The following AP3S2 variants were observed in gnomAD, a reference collection of about 807,000 sequenced individuals.
AP3S2 encodes the protein AP-3 complex subunit sigma-2.
In AP3S2, 22 loss-of-function variants were observed where a neutral mutation model predicts 23.4. The ratio of observed to expected loss-of-function variants is 0.94; its 90% confidence interval spans 0.67 to 1.34. The LOEUF is 1.34. Ranked by LOEUF, AP3S2 falls within the 40% of genes most tolerant of loss-of-function variation. The probability of loss-of-function intolerance (pLI) is 0.00; values close to 1 mark genes in which losing one functional copy is unlikely to be tolerated. For missense variants in AP3S2, 241 were observed against 236.9 expected, an observed-to-expected ratio of 1.02 and a Z score of -0.11; for synonymous variants, 86 against 87.1, an observed-to-expected ratio of 0.99 and a Z score of 0.07.
intron 4 of AP3S2, among the ~76,000 whole-genome samples, chr15:89,858,811 T>G (rs180735905): frequency 6.6e-6 from 1 of 152,294 alleles, no homozygotes; most frequent in African/African-American, 2.4e-5. Flanking sequence ...CAAATGAATA[T>G]CTCTAAAGGT....
chr15:89,858,128 CTTAG>C (rs1240830812), intron 4 of AP3S2, among the ~76,000 whole-genome samples: 1 of 152,026 alleles, frequency 6.6e-6, no homozygotes, highest in East Asian at 1.9e-4. Context: ...GAAAAGGGTT[CTTAG>C]TTAGGAATCA....
chr15:89,844,876 A>C (rs1895447908), intron 4 of AP3S2, among the ~76,000 whole-genome samples: 1 of 151,944 alleles, frequency 6.6e-6, no homozygotes, highest in South Asian at 2.1e-4. Context: ...TGTCCTTCCA[A>C]AGCATTCCTC....
Position 89,835,187 on chromosome 15 carries a change from A to G in AP3S2, c.*328T>C. ...GTGGGCCTGCTCAATGCAGTCCCTAACCCTTGGGAGCATCCATGTGAGAGG... is the reference window on the plus strand; with the variant it reads ...GTGGGCCTGCTCAATGCAGTCCCTAGCCCTTGGGAGCATCCATGTGAGAGG... On this transcript the variant is annotated 3_prime_UTR_variant, in exon 6 of 6. Transcript: ENST00000336418. The G allele has an allele frequency of 2.4e-6, 1 of 418,442 alleles. No homozygotes were observed. The highest frequency in any genetic ancestry group is 3.8e-5 in the East Asian group (1 of 26,664). 25.9% of individuals were successfully genotyped at this position (418,442 alleles called of 1,614,324 possible).
At chr15:89,879,016 G>A (rs1376870882) in intron 3 of AP3S2, among the ~76,000 whole-genome samples, 2 of 152,226 alleles carry the variant, frequency 1.3e-5, no homozygotes, top group African/African-American at 4.8e-5. Context: ...AAAGCGTTGG[G>A]ATTACGGGCG....
rs1257983303 is a variant in AP3S2, at chr15:89,871,545, A to G, written c.275T>C (p.Val92Ala). The G allele has an allele frequency of 1.2e-6, 2 of 1,613,002 alleles. No homozygotes were observed. The highest frequency in any genetic ancestry group is 2.7e-5 in the African/African-American group (2 of 74,908). ...ACACTTATCCAGAGTTTCCACAAAA[A>G]CCTAGAAAACAAGGAGAAATAGATA... The part of the protein sequence containing the change: ...SELGILDLIQ[V>A]FVETLDKCFE... The change falls in exon 4 of 6, where the codon GTT (valine) becomes GCT (alanine). Residue 92 changes from valine to alanine, a missense_variant and splice_region_variant. By Grantham distance (64) the Val-to-Ala change is moderately conservative. Coordinates refer to ENST00000336418, the MANE Select transcript of AP3S2 (RefSeq NM_005829.5).
chr15:89,838,658 G>A (rs962766863), intron 4 of AP3S2, among the ~76,000 whole-genome samples: 1 of 152,192 alleles, frequency 6.6e-6, no homozygotes, highest in Non-Finnish European at 1.5e-5. Flanking sequence ...AAGACAGCAA[G>A]TACAACCTTC....
chr15:89,873,474 G>A (rs1053391268), intron 3 of AP3S2, among the ~76,000 whole-genome samples: 1 of 151,930 alleles, frequency 6.6e-6, no homozygotes, highest in South Asian at 2.1e-4. Flanking sequence ...TAGTAGAGAC[G>A]AGGTTTCACC....
rs1422273632 is a variant in AP3S2, at chr15:89,867,445, A to G, written c.345+4030T>C. Among the ~76,000 whole-genome samples, 5 of 149,794 alleles carry G rather than the reference A, an allele frequency of 3.3e-5. No individual in the cohort carries two copies. In the East Asian group the frequency reaches 8.2e-4, roughly 24 times the overall value. On this transcript the variant is annotated intron_variant, in intron 4 of 5. Transcript: ENST00000336418. ...TGCCCGGCCGCCACCCGGTCTGGGA[A>G]GTGAGGAGTGTCTCTGCCTGGCCGC...
At chr15:89,847,313 G>T (rs1341074627) in intron 4 of AP3S2, among the ~76,000 whole-genome samples, 1 of 127,324 alleles carries the variant, frequency 7.9e-6, no homozygotes, top group Non-Finnish European at 1.6e-5. Context: ...GAGCCTGGAA[G>T]TCAAGACTTC....
At position 89,835,549 on chromosome 15, in the gene AP3S2, T is replaced by A; in HGVS notation, c.548A>T (p.Asn183Ile). The change falls in exon 6 of 6, where the codon AAC becomes ATC. Residue 183 changes from asparagine (N) to isoleucine (I), a missense_variant. Transcript: ENST00000336418. ...CTGGGACAGGTTGGGAACTTTGATG[T>A]TGAGATCGCCAATGTTGATGTTCCG... Reference protein sequence around the residue: ...IPRNINIGDLNIKVPNLSQFV With the variant: ...IPRNINIGDLIIKVPNLSQFV The A allele has an allele frequency of 6.2e-7, 1 of 1,613,966 alleles. No homozygotes were observed. Among genetic ancestry groups the A allele is most frequent in the Non-Finnish European group, 8.5e-7 (1 of 1,180,000 alleles).
At position 89,833,707 on chromosome 15, in the gene AP3S2, C is replaced by G. The variant is rs1445044597; in HGVS notation, c.*1808G>C. ...TTTTGATATCTATTCACCTACACTT[C>G]CCTCTTCCACAGGAAGCGGCCCACC... On this transcript the variant is annotated 3_prime_UTR_variant, in exon 6 of 6. Transcript: ENST00000336418. 1 of 152,282 alleles carries G rather than the reference C, an allele frequency of 6.6e-6. No individual in the cohort carries two copies. Among genetic ancestry groups the G allele is most frequent in the Non-Finnish European group, 1.5e-5 (1 of 68,060 alleles). 9.4% of individuals were successfully genotyped at this position (152,282 alleles called of 1,614,324 possible).
chr15:89,893,747 T>C, intron 1 of AP3S2, 134 bp downstream of exon 1: 2 of 818,254 alleles, frequency 2.4e-6, no homozygotes. Flanking sequence ...AATGCTTAAG[T>C]AGGGCGAGGG....
At chr15:89,844,893 T>G (rs922775492) in intron 4 of AP3S2, among the ~76,000 whole-genome samples, 1 of 152,162 alleles carries the variant, frequency 6.6e-6, no homozygotes, top group Admixed American at 6.6e-5. Flanking sequence ...CCTCTTACTT[T>G]TCACAGAGTA....
At chr15:89,853,640 C>T (rs973969890) in intron 4 of AP3S2, among the ~76,000 whole-genome samples, 154 of 141,076 alleles carry the variant, frequency 1.1e-3, no homozygotes, top group African/African-American at 3.9e-3. Context: ...CTCCGCCCGG[C>T]CGCCATCCCA....
At chr15:89,880,496 A>C (rs1896544927) in intron 3 of AP3S2, among the ~76,000 whole-genome samples, 1 of 152,116 alleles carries the variant, frequency 6.6e-6, no homozygotes, top group African/African-American at 2.4e-5. Context: ...AACATGGTGA[A>C]ACCCCCGACT....
At chr15:89,860,718 T>A (rs1236100341) in intron 4 of AP3S2, among the ~76,000 whole-genome samples, 1 of 152,022 alleles carries the variant, frequency 6.6e-6, no homozygotes, top group Non-Finnish European at 1.5e-5. Context: ...TCCTTATTAC[T>A]TAAGCCAAAA....
intron 4 of AP3S2, among the ~76,000 whole-genome samples, chr15:89,841,918 A>G (rs1026800519): frequency 1.3e-5 from 2 of 152,352 alleles, no homozygotes; most frequent in Admixed American, 1.3e-4. Context: ...ACAGACTGGA[A>G]AAGGGCCTCC....
chr15:89,878,442 C>G, intron 3 of AP3S2: 4 of 468,880 alleles, frequency 8.5e-6, no homozygotes, highest in South Asian at 7.8e-5. Flanking sequence ...GGACAAATAT[C>G]GTAGACATTT....
At chr15:89,863,614 G>C (rs1466121363) in intron 4 of AP3S2, among the ~76,000 whole-genome samples, 2 of 152,164 alleles carry the variant, frequency 1.3e-5, no homozygotes, top group African/African-American at 4.8e-5. Flanking sequence ...GGTTAAACAA[G>C]AAATCACAAG....
Sources: allele counts gnomAD v4.1 joint callset (sites outside exome capture counted in the v4.1 genomes callset), GRCh38; gene constraint gnomAD v4.1.1; transcripts MANE v1.5; gene names NCBI Gene and HGNC (gene_info 2026-07-23, HGNC 2026-07-21).